STOML3: variants seen among roughly 807,000 people sequenced by gnomAD.
STOML3 encodes stomatin like 3, also known as stomatin-like protein 3.
In STOML3, 31 loss-of-function variants were observed where a neutral mutation model predicts 29.5. The observed-to-expected ratio is 1.05, with a 90% confidence interval of 0.79 to 1.42. STOML3 has a LOEUF of 1.42. STOML3 is among the 40% of genes most tolerant of loss of function. STOML3 has a pLI of 0.00. For synonymous variants in STOML3, 122 were observed against 139.8 expected, an observed-to-expected ratio of 0.87 and a Z score of 0.90; for missense variants, 380 against 363.0, an observed-to-expected ratio of 1.05 and a Z score of -0.38.
chr13:38,988,784 C>T (rs1868856821), intron 1 of STOML3, among the ~76,000 whole-genome samples: 2 of 141,782 alleles, frequency 1.4e-5, no homozygotes, highest in Middle Eastern at 3.7e-3. Context: ...TTCATAAGTA[C>T]ATATTACAAG....
chr13:38,987,653 T>C (rs1370190722), intron 1 of STOML3, among the ~76,000 whole-genome samples: 3 of 142,084 alleles, frequency 2.1e-5, no homozygotes, highest in African/African-American at 7.8e-5. Flanking sequence ...ATTGCCTTAA[T>C]ATATATATTA....
intron 1 of STOML3, among the ~76,000 whole-genome samples, chr13:38,989,478 A>G (rs1402256534): frequency 2.8e-5 from 4 of 141,622 alleles, no homozygotes; most frequent in Admixed American, 2.8e-4. Flanking sequence ...CTAAATGTAT[A>G]CTTTTTCTTT....
intron 4 of STOML3, among the ~76,000 whole-genome samples, chr13:38,971,741 A>G (rs1339130600): frequency 6.6e-6 from 1 of 152,182 alleles, no homozygotes; most frequent in East Asian, 1.9e-4. Flanking sequence ...TCTGGCCAAC[A>G]TGGTGAAACC....
At chr13:38,975,797 A>T (rs1157859311) in intron 3 of STOML3, among the ~76,000 whole-genome samples, 1 of 152,064 alleles carries the variant, frequency 6.6e-6, no homozygotes, top group Non-Finnish European at 1.5e-5. Context: ...ATCCACCCCA[A>T]CCCCGGGCAA....
rs1244984210 is a variant in STOML3, at chr13:38,990,777, G to T, written c.-56C>A. On this transcript the variant is annotated 5_prime_UTR_variant, in exon 1 of 7. Transcript: ENST00000379631. ...ATTTTTCATGGGTTTGGAGCTAAGT[G>T]TGAAGAACAGGCAGCAACTCAGATG... 6 of 1,550,158 alleles carry T rather than the reference G, an allele frequency of 3.9e-6. No homozygotes were observed. In the African/African-American group the frequency reaches 4.1e-5, roughly 11 times the overall value.
chr13:38,967,083 A>G (rs779011828), intron 6 of STOML3, 34 bp from the exon 7 acceptor site: 6 of 1,589,714 alleles, frequency 3.8e-6, no homozygotes, highest in Non-Finnish European at 5.1e-6. Flanking sequence ...TTCAGAAATA[A>G]AAGTTTACAC....
At chr13:38,969,818 T>C (rs896500695) in intron 5 of STOML3, among the ~76,000 whole-genome samples, 5 of 152,220 alleles carry the variant, frequency 3.3e-5, no homozygotes, top group Admixed American at 1.3e-4. Flanking sequence ...TATTTAAATA[T>C]ATAGGCTACC....
At position 38,976,465 on chromosome 13, in the gene STOML3, G is replaced by A. The variant is rs1881075938; in HGVS notation, c.229+75C>T. The A allele has an allele frequency of 2.6e-6, 4 of 1,543,094 alleles. No homozygotes were observed. In the South Asian group the frequency reaches 4.6e-5, roughly 18 times the overall value. ...TTTGACTCTCAATAGGCACCACCAG[G>A]AAAAATATTGAAGGTGGTAGCAGTA... On this transcript the variant is annotated intron_variant, in intron 3 of 6. Coordinates refer to ENST00000379631, the MANE Select transcript of STOML3 (RefSeq NM_145286.3).
At chr13:38,970,500 T>C in intron 4 of STOML3, 112 bp from the exon 5 acceptor site, 2 of 843,576 alleles carry the variant, frequency 2.4e-6, no homozygotes, top group Non-Finnish European at 3.8e-6. Flanking sequence ...TAACGACAAC[T>C]CATGCTACAG....
Position 38,983,432 on chromosome 13 carries a change from T to C in STOML3, c.53-6635A>G, listed in dbSNP as rs182270234. The stretch of plus-strand genomic sequence containing the variant: ...TGTACACTTTATTTTGTTCCATTTT[T>C]TTCTTTTACCAAATCGGATTCTAAA... On this transcript the variant is annotated intron_variant, in intron 1 of 6. Transcript: ENST00000379631. 8.6e-4 allele frequency among the ~76,000 whole-genome samples: 131 copies of C among 152,332 alleles called. 1 individual carries two copies. The highest frequency in any genetic ancestry group is 3.1e-3 in the African/African-American group (127 of 41,566).
At chr13:38,977,820 C>T (rs1218682896) in intron 1 of STOML3, among the ~76,000 whole-genome samples, 6 of 135,804 alleles carry the variant, frequency 4.4e-5, no homozygotes, top group Admixed American at 1.7e-4. Flanking sequence ...AGTACAGTGG[C>T]GCGCTCTTGG....
chr13:38,988,079 A>C, intron 1 of STOML3, among the ~76,000 whole-genome samples: 1 of 110,636 alleles, frequency 9.0e-6, no homozygotes, highest in Non-Finnish European at 1.7e-5. Context: ...TATATCATAT[A>C]TTTTATATAT....
At chr13:38,982,274 C>G (rs1294173369) in intron 1 of STOML3, among the ~76,000 whole-genome samples, 1 of 151,686 alleles carries the variant, frequency 6.6e-6, no homozygotes, top group Non-Finnish European at 1.5e-5. Flanking sequence ...AAACAAAAAA[C>G]AACAAAAACA....
At chr13:38,984,369 C>T (rs1868425024) in intron 1 of STOML3, among the ~76,000 whole-genome samples, 1 of 152,144 alleles carries the variant, frequency 6.6e-6, no homozygotes, top group Non-Finnish European at 1.5e-5. Flanking sequence ...CCTTCTTTTC[C>T]AGGAAGATTT....
At chr13:38,981,719 T>C (rs1485772021) in intron 1 of STOML3, among the ~76,000 whole-genome samples, 1 of 152,134 alleles carries the variant, frequency 6.6e-6, no homozygotes, top group Non-Finnish European at 1.5e-5. Context: ...CACCGTAAGA[T>C]TCCAGTACGC....
chr13:38,970,879 A>G (rs982217375), intron 4 of STOML3, among the ~76,000 whole-genome samples: 1 of 152,172 alleles, frequency 6.6e-6, no homozygotes, highest in Non-Finnish European at 1.5e-5. Flanking sequence ...GCTCAGCATC[A>G]ATCATTCTGA....
intron 1 of STOML3, among the ~76,000 whole-genome samples, chr13:38,986,070 T>C (rs1179811867): frequency 6.7e-6 from 1 of 149,574 alleles, no homozygotes; most frequent in African/African-American, 2.5e-5. Context: ...TGTTTGTTTT[T>C]TGAAATGGAG....
In STOML3 at chr13:38,973,519, C is replaced by T. The variant is rs149708857; in HGVS notation, c.230-925G>A. ...TGGTCATGTGGTGTCCTGGGAGGGACATGACAGCTCCCTGAGACTTCCTTT... is the reference window on the plus strand; with the variant it reads ...TGGTCATGTGGTGTCCTGGGAGGGATATGACAGCTCCCTGAGACTTCCTTT... On this transcript the variant is annotated intron_variant, in intron 3 of 6. Transcript: ENST00000379631. 8.5e-5 allele frequency among the ~76,000 whole-genome samples: 13 copies of T among 152,280 alleles called. No individual in the cohort carries two copies. The East Asian group carries it at 2.5e-3, about 29-fold the overall frequency.
chr13:38,981,347 G>T (rs543301342), intron 1 of STOML3, among the ~76,000 whole-genome samples: 1 of 152,276 alleles, frequency 6.6e-6, no homozygotes, highest in Admixed American at 6.5e-5. Flanking sequence ...CACCAGAGGA[G>T]ATTAAATACC....
Sources: gnomAD v4.1 joint callset for allele counts (sites outside exome capture counted in the v4.1 genomes callset) on GRCh38, gnomAD v4.1.1 for gene constraint, MANE v1.5 for transcripts, NCBI Gene and HGNC (gene_info 2026-07-23, HGNC 2026-07-21) for gene names.